The following TIAM1 variants were observed in gnomAD, a reference collection of about 807,000 sequenced individuals.
The protein encoded by TIAM1 is rho guanine nucleotide exchange factor TIAM1.
Under a neutral mutation model 163.5 loss-of-function variants are expected in TIAM1, and 65 were observed. The ratio of observed to expected loss-of-function variants is 0.40; its 90% confidence interval spans 0.33 to 0.49. The LOEUF (loss-of-function observed/expected upper bound fraction) is 0.49, where lower values mean the gene tolerates loss of function less well. Ranked by LOEUF, TIAM1 falls within the 20% of genes least tolerant of loss-of-function variation. TIAM1 has a pLI of 0.77. For synonymous variants in TIAM1, 833 were observed against 810.1 expected (o/e 1.03, Z -0.48); for missense variants, 1,789 against 2,044.7 (o/e 0.87, Z 2.41).
intron 2 of TIAM1, among the ~76,000 whole-genome samples, chr21:31,355,538 T>G (rs2076302181): frequency 7.2e-6 from 1 of 139,266 alleles, no homozygotes. Context: ...ATTATTTATT[T>G]ATTTATTTAT....
In TIAM1 at chr21:31,400,880, C is replaced by T. The variant is rs962494757; in HGVS notation, c.-368-61458G>A. Reference sequence around the variant, plus strand: ...CCGAGGTGGGTGGATCACCTGAGGTCGGCAGTTCGAGACCAGCCTGACCAA... The same window carrying T: ...CCGAGGTGGGTGGATCACCTGAGGTTGGCAGTTCGAGACCAGCCTGACCAA... On this transcript the variant is annotated intron_variant, in intron 2 of 28. Transcript: ENST00000286827. Among the ~76,000 whole-genome samples the T allele has an allele frequency of 5.3e-5, 8 of 151,748 alleles. No homozygotes were observed. In the South Asian group the frequency reaches 1.3e-3, roughly 24 times the overall value.
intron 2 of TIAM1, among the ~76,000 whole-genome samples, chr21:31,406,453 T>C (rs2077248682): frequency 6.6e-6 from 1 of 152,188 alleles, no homozygotes. Flanking sequence ...AGAATCCTGC[T>C]TCATTATAAT....
intron 15 of TIAM1, among the ~76,000 whole-genome samples, chr21:31,165,285 G>A (rs2833319): frequency 0.13 from 19,029 of 152,162 alleles, 3,286 homozygotes; most frequent in African/African-American, 0.38. Flanking sequence ...ATAAATAATA[G>A]TTGTTGTGGA....
At chr21:31,223,827 C>A (rs573387346) in intron 7 of TIAM1, among the ~76,000 whole-genome samples, 6 of 152,124 alleles carry the variant, frequency 3.9e-5, no homozygotes, top group Non-Finnish European at 4.4e-5. Flanking sequence ...TCTTGGAGTT[C>A]GTACTGGGGG....
rs936853601 is a variant in TIAM1, at chr21:31,120,237, C to A, written c.*131G>T. On this transcript the variant is annotated 3_prime_UTR_variant, in exon 28 of 28. Transcript: ENST00000541036. This position sits in a 1 kb window ranked among gnomAD's most constrained non-coding sequence, Gnocchi z 4.2. ...GTTGGGTGGCTACATGGCTTCAGAA[C>A]CAAGTCAGCTGCCAAAACCGTGTGT... The A allele has an allele frequency of 2.2e-6, 2 of 911,974 alleles. No individual in the cohort carries two copies. The highest frequency in any genetic ancestry group is 2.7e-5 in the East Asian group (1 of 36,924). The allele number at this position is 911,974 out of a possible 1,614,324, so 56.5% of individuals were successfully genotyped here. A position where few individuals can be genotyped will look rare whatever the true frequency, so the allele number is the denominator to read the frequency against.
Position 31,118,628 on chromosome 21 carries a change from C to A in TIAM1, c.*1740G>T, listed in dbSNP as rs543857845. ...TTCAGATGGATGTGTTGCACTGGAG[C>A]CAGTAAATGCGACGATTAGAAGCCT... On this transcript the variant is annotated 3_prime_UTR_variant, in exon 28 of 28. Transcript: ENST00000541036. 4.0e-5 allele frequency: 19 copies of A among 471,354 alleles called. No homozygotes were observed. In the East Asian group the frequency reaches 1.3e-3, roughly 33 times the overall value. The allele number at this position is 471,354 out of a possible 1,614,324, so 29.2% of individuals were successfully genotyped here.
At chr21:31,185,555 A>G (rs1412386232) in intron 14 of TIAM1, among the ~76,000 whole-genome samples, 1 of 129,702 alleles carries the variant, frequency 7.7e-6, no homozygotes, top group African/African-American at 3.6e-5. Context: ...TATATTATAT[A>G]TTAATATAAT....
At chr21:31,513,820 C>A (rs1427462057) in intron 1 of TIAM1, among the ~76,000 whole-genome samples, 3 of 152,012 alleles carry the variant, frequency 2.0e-5, no homozygotes, top group African/African-American at 7.3e-5. Flanking sequence ...CCAGCCTGGC[C>A]AACATAGCGA....
At chr21:31,361,472 G>A (rs2076405160) in intron 2 of TIAM1, among the ~76,000 whole-genome samples, 1 of 152,132 alleles carries the variant, frequency 6.6e-6, no homozygotes, top group Non-Finnish European at 1.5e-5. Context: ...CATTTCTCGA[G>A]CTGGTGATGG....
chr21:31,282,841 C>CA (rs1346476722), intron 2 of TIAM1, among the ~76,000 whole-genome samples: 1 of 152,158 alleles, frequency 6.6e-6, no homozygotes, highest in Non-Finnish European at 1.5e-5. Context: ...AAAAAGTCCC[C>CA]AGAACTTTCC....
At chr21:31,280,321 G>A (rs2146872885) in intron 2 of TIAM1, among the ~76,000 whole-genome samples, 1 of 152,294 alleles carries the variant, frequency 6.6e-6, no homozygotes, top group Admixed American at 6.5e-5. Context: ...TCTCATGAGA[G>A]CTGATGGTTT....
At chr21:31,251,720 G>A (rs746636184) in intron 5 of TIAM1, 22 bp downstream of exon 5, 51 of 1,555,232 alleles carry the variant, frequency 3.3e-5, no homozygotes, top group South Asian at 1.2e-5. Context: ...TTGGCACATA[G>A]CCGGGGCCCT....
At chr21:31,487,212 G>C (rs1306198397) in intron 1 of TIAM1, among the ~76,000 whole-genome samples, 3 of 152,102 alleles carry the variant, frequency 2.0e-5, no homozygotes, top group Admixed American at 6.6e-5. Context: ...AGCTGGAGGT[G>C]GGGGCTGTTA....
intron 15 of TIAM1, among the ~76,000 whole-genome samples, chr21:31,177,732 A>G (rs2084830700): frequency 6.6e-6 from 1 of 152,248 alleles, no homozygotes; most frequent in South Asian, 2.1e-4. Flanking sequence ...ATGAGAAAGC[A>G]GTTCAGAAAT....
chr21:31,194,364 C>A (rs933608802), intron 13 of TIAM1, among the ~76,000 whole-genome samples: 2 of 152,180 alleles, frequency 1.3e-5, no homozygotes, highest in East Asian at 3.8e-4. Context: ...GACCCCCCTA[C>A]ACACCACCAA....
At chr21:31,256,588 T>TACACACACACAC (rs5030999) in intron 4 of TIAM1, among the ~76,000 whole-genome samples, 9,982 of 128,076 alleles carry the variant, frequency 0.078, 615 homozygotes, top group Non-Finnish European at 0.083. Context: ...TACCCCTCAC[T>TACACACACACAC]ACACACACAC....
intron 2 of TIAM1, among the ~76,000 whole-genome samples, chr21:31,400,733 C>T (rs918733587): frequency 2.0e-5 from 3 of 152,096 alleles, no homozygotes; most frequent in African/African-American, 7.2e-5. Context: ...CTGTCTTTAC[C>T]ATTTGGTTAC....
chr21:31,552,355 C>T (rs2123322889), intron 1 of TIAM1, among the ~76,000 whole-genome samples: 1 of 152,198 alleles, frequency 6.6e-6, no homozygotes, highest in East Asian at 1.9e-4. Flanking sequence ...AAATATTAAA[C>T]TAGATCATTA....
At chr21:31,236,666 T>C (rs2146682603) in intron 6 of TIAM1, among the ~76,000 whole-genome samples, 1 of 152,160 alleles carries the variant, frequency 6.6e-6, no homozygotes, top group Non-Finnish European at 1.5e-5. Flanking sequence ...GGGAAGGCCT[T>C]GTTGGGTAAG....
Sources: allele counts gnomAD v4.1 joint callset (sites outside exome capture counted in the v4.1 genomes callset), GRCh38; gene constraint gnomAD v4.1.1; non-coding constraint Gnocchi (gnomAD v3.1); transcripts MANE v1.5; gene names NCBI Gene and HGNC (gene_info 2026-07-23, HGNC 2026-07-21).